The following PRKACB variants were observed in gnomAD, a reference collection of about 807,000 sequenced individuals.
PRKACB encodes the protein cAMP-dependent protein kinase catalytic subunit beta.
PRKACB carries 16 observed loss-of-function variants against 51.4 expected under a neutral mutation model. The ratio of observed to expected loss-of-function variants is 0.31; its 90% CI spans 0.21 to 0.47. The LOEUF (loss-of-function observed/expected upper bound fraction) is 0.47. Among genes scored for constraint, PRKACB ranks in the 20% least tolerant of loss-of-function variants. PRKACB has a pLI of 1.00. For synonymous variants in PRKACB, 147 were observed against 154.4 expected (o/e 0.95, Z 0.35); for missense variants, 309 against 464.5 (o/e 0.67, Z 3.08).
intron 1 of PRKACB, among the ~76,000 whole-genome samples, chr1:84,081,659 C>G (rs981040213): frequency 6.6e-6 from 1 of 152,038 alleles, no homozygotes; most frequent in African/African-American, 2.4e-5. Flanking sequence ...TACACCAGCC[C>G]CAGTCACCAA....
chr1:84,089,431 AG>A (rs757508264), intron 1 of PRKACB, among the ~76,000 whole-genome samples: 4 of 152,168 alleles, frequency 2.6e-5, no homozygotes, highest in Non-Finnish European at 5.9e-5. Context: ...ACACTGGACT[AG>A]GAAAAACTAG....
At chr1:84,208,344 A>G (rs1671647808) in intron 8 of PRKACB, among the ~76,000 whole-genome samples, 1 of 152,278 alleles carries the variant, frequency 6.6e-6, no homozygotes, top group South Asian at 2.1e-4. Flanking sequence ...TGCTCAATTC[A>G]GAGTGAATTT....
Position 84,237,719 on chromosome 1 carries a change from T to C in PRKACB, c.*2414T>C, listed in dbSNP as rs909284723. 2 of 152,180 alleles carry C rather than the reference T, an allele frequency of 1.3e-5. No homozygotes were observed. Among genetic ancestry groups the C allele is most frequent in the Non-Finnish European group, 2.9e-5 (2 of 67,992 alleles). 9.4% of individuals were successfully genotyped at this position (152,180 alleles called of 1,614,324 possible). A position where few individuals can be genotyped will look rare whatever the true frequency, so the allele number is the denominator to read the frequency against. ...ATAAGAAGTAAGTAGCATAAATCAGTATTTAACCTAAAATTACATATTTGA... is the reference window on the plus strand; with the variant it reads ...ATAAGAAGTAAGTAGCATAAATCAGCATTTAACCTAAAATTACATATTTGA... On this transcript the variant is annotated 3_prime_UTR_variant, in exon 10 of 10. Transcript: ENST00000370685.
chr1:84,143,749 G>A (rs1282604571), upstream of PRKACB, among the ~76,000 whole-genome samples: 1 of 152,082 alleles, frequency 6.6e-6, no homozygotes, highest in Non-Finnish European at 1.5e-5. Flanking sequence ...TATGTATTAG[G>A]CCTAAATCAA....
At chr1:84,121,922 A>G (rs928927428) in intron 1 of PRKACB, among the ~76,000 whole-genome samples, 1 of 152,090 alleles carries the variant, frequency 6.6e-6, no homozygotes, top group African/African-American at 2.4e-5. Context: ...TCTCAACATA[A>G]TTCTTTTCAC....
upstream of PRKACB, among the ~76,000 whole-genome samples, chr1:84,142,576 A>G (rs993015018): frequency 6.6e-5 from 10 of 152,236 alleles, no homozygotes; most frequent in African/African-American, 1.7e-4. Context: ...ATGCTGTTGC[A>G]TATTTGTTTA....
intron 9 of PRKACB, among the ~76,000 whole-genome samples, chr1:84,215,335 C>T (rs1000537719): frequency 1.3e-5 from 2 of 152,156 alleles, no homozygotes; most frequent in African/African-American, 4.8e-5. Flanking sequence ...ACCTTTATTC[C>T]TGCCCATATG....
At position 84,173,304 on chromosome 1, in the gene PRKACB, T is replaced by A; in HGVS notation, c.188-5873T>A. 3.2e-6 allele frequency: 5 copies of A among 1,550,814 alleles called. 1 individual carries two copies. Among genetic ancestry groups the A allele is most frequent in the Non-Finnish European group, 4.4e-6 (5 of 1,140,894 alleles). On this transcript the variant is annotated intron_variant, in intron 1 of 9. Coordinates refer to ENST00000370685, the MANE Select transcript of PRKACB (RefSeq NM_182948.4). ...GTATGTTATTTTATGTGTTATTTAA[T>A]CTCTGTTTATTCTTTTTGATCAAGC...
intron 8 of PRKACB, among the ~76,000 whole-genome samples, chr1:84,213,399 CA>C (rs1406222817): frequency 6.6e-6 from 1 of 151,996 alleles, no homozygotes; most frequent in East Asian, 1.9e-4. Flanking sequence ...TGTGTTTAAA[CA>C]AAACAAAATG....
intron 1 of PRKACB, among the ~76,000 whole-genome samples, chr1:84,102,842 C>T (rs1407726204): frequency 6.6e-6 from 1 of 152,144 alleles, no homozygotes; most frequent in Non-Finnish European, 1.5e-5. Context: ...GAATGAGTGA[C>T]ATGTGCCCAA....
chr1:84,101,294 G>A (rs926392764), intron 1 of PRKACB, among the ~76,000 whole-genome samples: 3 of 152,112 alleles, frequency 2.0e-5, no homozygotes, highest in African/African-American at 7.2e-5. Context: ...AACTGATTGA[G>A]TCAGATCCAC....
At chr1:84,203,393 A>AT (rs1282785235) in intron 8 of PRKACB, among the ~76,000 whole-genome samples, 1 of 151,992 alleles carries the variant, frequency 6.6e-6, no homozygotes, top group African/African-American at 2.4e-5. Flanking sequence ...AGTATTTTAC[A>AT]TTTTGTAAAT....
chr1:84,146,140 G>GTTT (rs149821464), intron 1 of PRKACB, among the ~76,000 whole-genome samples: 6 of 145,470 alleles, frequency 4.1e-5, no homozygotes, highest in African/African-American at 1.5e-4. Context: ...ATAAAATGCT[G>GTTT]TTTTGTTTTT....
chr1:84,206,063 T>G (rs914642572), intron 8 of PRKACB, among the ~76,000 whole-genome samples: 4 of 152,150 alleles, frequency 2.6e-5, no homozygotes, highest in African/African-American at 7.2e-5. Context: ...ATATAGAAAG[T>G]TTATATTGCA....
At chr1:84,173,042 C>G (rs1660052516) in intron 1 of PRKACB, among the ~76,000 whole-genome samples, 1 of 151,612 alleles carries the variant, frequency 6.6e-6, no homozygotes, top group South Asian at 2.1e-4. Context: ...TATGATGAGG[C>G]AAGTGCCCCT....
intron 8 of PRKACB, among the ~76,000 whole-genome samples, chr1:84,208,524 A>T (rs932086536): frequency 9.9e-5 from 15 of 152,244 alleles, no homozygotes; most frequent in African/African-American, 3.6e-4. Context: ...ATAAATTAAC[A>T]GGTGGAGCCT....
intron 9 of PRKACB, among the ~76,000 whole-genome samples, chr1:84,218,426 G>T (rs1673185943): frequency 6.6e-6 from 1 of 152,082 alleles, no homozygotes; most frequent in South Asian, 2.1e-4. Flanking sequence ...GTCTTTCTGT[G>T]CCTGGCTGAT....
intron 9 of PRKACB, among the ~76,000 whole-genome samples, chr1:84,230,918 T>G (rs1324343173): frequency 2.7e-3 from 368 of 136,152 alleles, no homozygotes; most frequent in East Asian, 0.011. Flanking sequence ...GAATACCCTT[T>G]ATTTCCTTCT....
chr1:84,089,218 G>A (rs1288945893), intron 1 of PRKACB, among the ~76,000 whole-genome samples: 1 of 152,136 alleles, frequency 6.6e-6, no homozygotes, highest in Non-Finnish European at 1.5e-5. Context: ...TCCTGTAGAA[G>A]CGTACATCCT....
Sources: gnomAD v4.1 joint callset for allele counts (sites outside exome capture counted in the v4.1 genomes callset) on GRCh38, gnomAD v4.1.1 for gene constraint, MANE v1.5 for transcripts, NCBI Gene and HGNC (gene_info 2026-07-23, HGNC 2026-07-21) for gene names.